The following AXDND1 variants were observed in gnomAD, a reference collection of about 807,000 sequenced individuals.
AXDND1 encodes the protein axonemal dynein light chain domain-containing protein 1.
A neutral mutation model predicts 137.5 loss-of-function variants in AXDND1; 110 were observed. The observed-to-expected ratio is 0.80, with a 90% CI of 0.69 to 0.94. The LOEUF is 0.94. Among genes scored for constraint, AXDND1 ranks in the 40% least tolerant of loss-of-function variants. The pLI is 0.00. For missense variants in AXDND1, 1,191 were observed against 1,169.8 expected (o/e 1.02, Z -0.26); for synonymous variants, 414 against 399.7 (o/e 1.04, Z -0.43).
intron 25 of AXDND1, among the ~76,000 whole-genome samples, chr1:179,548,108 A>G (rs1411755397): frequency 2.0e-5 from 3 of 152,208 alleles, no homozygotes; most frequent in African/African-American, 7.2e-5. Context: ...TCCTAGAACA[A>G]CCACCCTGGG....
chr1:179,448,294 G>A (rs1298007248), intron 16 of AXDND1: 1 of 765,436 alleles, frequency 1.3e-6, no homozygotes, highest in Non-Finnish European at 2.4e-6. Context: ...TATTGAAAGA[G>A]TTTGTTAGAG....
At chr1:179,376,662 T>G (rs774136979) in intron 4 of AXDND1, among the ~76,000 whole-genome samples, 30 of 152,208 alleles carry the variant, frequency 2.0e-4, no homozygotes, top group Admixed American at 5.9e-4. Flanking sequence ...TTGGGTGGTG[T>G]TGTTATTAGT....
At chr1:179,382,572 A>G (rs993385180) in intron 6 of AXDND1, 128 bp from the exon 7 acceptor site, 4 of 607,042 alleles carry the variant, frequency 6.6e-6, no homozygotes, top group Non-Finnish European at 1.2e-5. Flanking sequence ...CACTTCTCCA[A>G]GCAGTACTCA....
At chr1:179,435,107 A>T (rs1657957582) in intron 15 of AXDND1, among the ~76,000 whole-genome samples, 1 of 152,208 alleles carries the variant, frequency 6.6e-6, no homozygotes, top group African/African-American at 2.4e-5. Flanking sequence ...TAAAAAGAGA[A>T]TAAAATACCT....
intron 17 of AXDND1, among the ~76,000 whole-genome samples, chr1:179,482,682 A>C (rs1464924663): frequency 6.6e-6 from 1 of 151,900 alleles, no homozygotes; most frequent in Non-Finnish European, 1.5e-5. Flanking sequence ...CCATTTTTAG[A>C]GGCTTTAAGT....
intron 21 of AXDND1, among the ~76,000 whole-genome samples, chr1:179,520,245 A>T (rs1669925667): frequency 6.6e-6 from 1 of 152,092 alleles, no homozygotes; most frequent in African/African-American, 2.4e-5. Context: ...GTATACTGAG[A>T]CTTTGCTGAA....
intron 25 of AXDND1, among the ~76,000 whole-genome samples, chr1:179,539,433 T>C (rs1204609003): frequency 6.6e-6 from 1 of 152,228 alleles, no homozygotes; most frequent in Non-Finnish European, 1.5e-5. Context: ...GGATTTTATT[T>C]CTCCTTCACT....
In AXDND1 at chr1:179,379,334, G is replaced by A. The variant is rs372275076; in HGVS notation, c.496-63G>A. The A allele has an allele frequency of 7.2e-5, 110 of 1,520,366 alleles. No individual in the cohort carries two copies. In the East Asian group the frequency reaches 2.6e-3, roughly 35 times the overall value. 94.2% of individuals were successfully genotyped at this position (1,520,366 alleles called of 1,614,324 possible). On this transcript the variant is annotated intron_variant, in intron 5 of 25. Coordinates refer to ENST00000367618, the MANE Select transcript of AXDND1 (RefSeq NM_144696.6). ...CTTTAGGTTAGGAATTAGGATTTGT[G>A]CAAGTGAATTTTTTCTCTATTAATA...
intron 12 of AXDND1, among the ~76,000 whole-genome samples, chr1:179,419,437 C>A (rs1422543652): frequency 2.0e-5 from 3 of 148,968 alleles, no homozygotes; most frequent in African/African-American, 7.4e-5. Context: ...CACAGCGAAA[C>A]CCCGTCTCCA....
intron 22 of AXDND1, among the ~76,000 whole-genome samples, chr1:179,526,419 A>G (rs1052534412): frequency 1.3e-5 from 2 of 152,162 alleles, no homozygotes; most frequent in African/African-American, 4.8e-5. Context: ...AGGTTGACTG[A>G]TTTACTCAAA....
At position 179,534,434 on chromosome 1, in the gene AXDND1, C is replaced by G. The variant is rs1240959795; in HGVS notation, c.2799-296C>G. The G allele has an allele frequency of 2.0e-5, 5 of 247,036 alleles. No homozygotes were observed. The South Asian group carries it at 6.5e-4, about 32-fold the overall frequency. 15.3% of individuals were successfully genotyped at this position (247,036 alleles called of 1,614,324 possible). On this transcript the variant is annotated intron_variant, in intron 24 of 25. Coordinates refer to ENST00000367618, the MANE Select transcript of AXDND1 (RefSeq NM_144696.6). ...ATCAATTAAGAGAAGCCAAAATTAA[C>G]TCTTGAAAGGGAGTTCCCTGGCCAT...
At chr1:179,473,878 C>T (rs942007820) in intron 17 of AXDND1, among the ~76,000 whole-genome samples, 1 of 152,172 alleles carries the variant, frequency 6.6e-6, no homozygotes, top group Non-Finnish European at 1.5e-5. Flanking sequence ...TTCCTGAGGC[C>T]TCCTCAGCCA....
At chr1:179,494,877 T>A in intron 20 of AXDND1, among the ~76,000 whole-genome samples, 1 of 152,232 alleles carries the variant, frequency 6.6e-6, no homozygotes, top group African/African-American at 2.4e-5. Context: ...GAGTTAACTT[T>A]TAAAAATATG....
At chr1:179,527,348 G>T (rs1401345708) in intron 22 of AXDND1, among the ~76,000 whole-genome samples, 1 of 152,122 alleles carries the variant, frequency 6.6e-6, no homozygotes, top group Non-Finnish European at 1.5e-5. Flanking sequence ...TGTTTTATCA[G>T]CAAGGTCTTT....
chr1:179,493,144 T>A (rs1050969405), intron 20 of AXDND1, among the ~76,000 whole-genome samples, 193 bp downstream of exon 20: 2 of 152,212 alleles, frequency 1.3e-5, no homozygotes, highest in African/African-American at 4.8e-5. Flanking sequence ...ACCCAGAGTT[T>A]CCTTGTACTC....
At chr1:179,468,713 A>T (rs1209938125) in intron 17 of AXDND1, 72 bp downstream of exon 17, 12 of 1,237,586 alleles carry the variant, frequency 9.7e-6, no homozygotes, top group Non-Finnish European at 1.3e-5. Flanking sequence ...CTTCATATAT[A>T]ATTCACTTTT....
rs188608790 is a variant in AXDND1, at chr1:179,387,217, C to T, written c.863+1858C>T. Among the ~76,000 whole-genome samples, 10 of 152,084 alleles carry T rather than the reference C, an allele frequency of 6.6e-5. No homozygotes were observed. In the East Asian group the frequency reaches 7.7e-4, roughly 12 times the overall value. On this transcript the variant is annotated intron_variant, in intron 9 of 25. Coordinates refer to ENST00000367618, the MANE Select transcript of AXDND1 (RefSeq NM_144696.6). ...TGCTGCTATAACAGAATATCACAGA[C>T]GGGGGGTAATTTATAATGAGCAGAG...
At chr1:179,460,283 A>T (rs1662138114) in intron 16 of AXDND1, among the ~76,000 whole-genome samples, 1 of 152,042 alleles carries the variant, frequency 6.6e-6, no homozygotes, top group Non-Finnish European at 1.5e-5. Flanking sequence ...ATGAGTGAGA[A>T]GATGCGGTGT....
intron 20 of AXDND1, among the ~76,000 whole-genome samples, chr1:179,504,900 A>G (rs1209460238): frequency 5.3e-5 from 8 of 152,212 alleles, no homozygotes; most frequent in Admixed American, 3.3e-4. Flanking sequence ...TTCTTCTGCT[A>G]AGAAAATGCA....
Sources: gnomAD v4.1 joint callset for allele counts (sites outside exome capture counted in the v4.1 genomes callset) on GRCh38, gnomAD v4.1.1 for gene constraint, MANE v1.5 for transcripts, NCBI Gene and HGNC (gene_info 2026-07-23, HGNC 2026-07-21) for gene names.